KHDRBS3: variants seen among roughly 807,000 people sequenced by gnomAD.
KHDRBS3 encodes KH RNA binding domain containing, signal transduction associated 3, also known as KH domain-containing, RNA-binding, signal transduction-associated protein 3.
Under a neutral mutation model 45.6 loss-of-function variants are expected in KHDRBS3, and 23 were observed. That is an observed-to-expected ratio of 0.50 (90% confidence interval 0.36 to 0.72). The LOEUF (loss-of-function observed/expected upper bound fraction) is 0.72. Among genes scored for constraint, KHDRBS3 ranks in the 30% least tolerant of loss-of-function variants. The pLI, the probability that KHDRBS3 is intolerant of heterozygous loss-of-function variation, is 0.00. For synonymous variants in KHDRBS3, 162 were observed against 156.5 expected, an observed-to-expected ratio of 1.04 and a Z score of -0.26; for missense variants, 352 against 424.8, an observed-to-expected ratio of 0.83 and a Z score of 1.51.
chr8:135,503,208 T>C (rs1338032031), intron 1 of KHDRBS3, among the ~76,000 whole-genome samples: 2 of 152,228 alleles, frequency 1.3e-5, no homozygotes, highest in Non-Finnish European at 2.9e-5. Flanking sequence ...TATAATATAA[T>C]AAAACACTTT....
At position 135,536,262 on chromosome 8, in the gene KHDRBS3, T is replaced by A. The variant is rs868067803; in HGVS notation, c.208-6392T>A. ...TTTTTTTTTTTTTTTTTTTTTTTTT[T>A]ATTATTGTTTAAAAGGTGGATGTGA... On this transcript the variant is annotated intron_variant, in intron 2 of 8. Coordinates refer to ENST00000355849, the MANE Select transcript of KHDRBS3 (RefSeq NM_006558.3). 1.5e-3 allele frequency among the ~76,000 whole-genome samples: 153 copies of A among 98,784 alleles called. 1 individual carries two copies. The highest frequency in any genetic ancestry group is 2.1e-3 in the Admixed American group (18 of 8,622). 64.8% of individuals were successfully genotyped at this position (98,784 alleles called of 152,430 possible). A position where few individuals can be genotyped will look rare whatever the true frequency, so the allele number is the denominator to read the frequency against.
intron 7 of KHDRBS3, among the ~76,000 whole-genome samples, chr8:135,607,364 A>G (rs1363470847): frequency 6.6e-6 from 1 of 152,212 alleles, no homozygotes; most frequent in African/African-American, 2.4e-5. Context: ...TACATTGGAA[A>G]TGTGTAAGTA....
chr8:135,508,510 T>C (rs949503631), intron 1 of KHDRBS3, among the ~76,000 whole-genome samples: 6 of 152,204 alleles, frequency 3.9e-5, no homozygotes, highest in African/African-American at 1.2e-4. Flanking sequence ...CTCTGGAGCC[T>C]GATAATTGTT....
At position 135,545,483 on chromosome 8, in the gene KHDRBS3, C is replaced by T. The variant is rs186817673; in HGVS notation, c.324+2713C>T. Among the ~76,000 whole-genome samples, 149 of 152,292 alleles carry T rather than the reference C, an allele frequency of 9.8e-4. 2 individuals are homozygous for T. Among genetic ancestry groups the T allele is most frequent in the African/African-American group, 3.4e-3 (142 of 41,572 alleles). Reference sequence around the variant, plus strand: ...TTTATTCTTAGGTTTTCACTGTTATCCAGACACTGTCCTGAGTCTCACATA... The same window carrying T: ...TTTATTCTTAGGTTTTCACTGTTATTCAGACACTGTCCTGAGTCTCACATA... On this transcript the variant is annotated intron_variant, in intron 3 of 8. Transcript: ENST00000355849.
At chr8:135,599,781 C>G (rs1225059610) in intron 6 of KHDRBS3, among the ~76,000 whole-genome samples, 6 of 152,174 alleles carry the variant, frequency 3.9e-5, no homozygotes, top group Non-Finnish European at 5.9e-5. Flanking sequence ...GATAATTCAG[C>G]CTGGAGTCTT....
chr8:135,644,977 A>T, intron 7 of KHDRBS3, 82 bp from the exon 8 acceptor site: 1 of 1,437,560 alleles, frequency 7.0e-7, no homozygotes. Context: ...AGTTGTCTTT[A>T]AGTTTTACAA....
intron 2 of KHDRBS3, among the ~76,000 whole-genome samples, chr8:135,531,851 GC>G (rs1170572392): frequency 6.6e-6 from 1 of 152,114 alleles, no homozygotes; most frequent in Non-Finnish European, 1.5e-5. Flanking sequence ...ATTCTGGAAT[GC>G]CTTCAGTGCT....
intron 1 of KHDRBS3, among the ~76,000 whole-genome samples, chr8:135,501,111 A>G (rs1246092539): frequency 6.6e-6 from 1 of 152,190 alleles, no homozygotes; most frequent in East Asian, 1.9e-4. Context: ...GCTGTTTGGT[A>G]GGCTCTCAAT....
At chr8:135,645,404 C>T (rs1586856403) in intron 8 of KHDRBS3, among the ~76,000 whole-genome samples, 1 of 152,324 alleles carries the variant, frequency 6.6e-6, no homozygotes, top group South Asian at 2.1e-4. Flanking sequence ...TTTCAAACTT[C>T]AGACACTTGA....
At chr8:135,484,894 A>T (rs1822768879) in intron 1 of KHDRBS3, among the ~76,000 whole-genome samples, 1 of 152,190 alleles carries the variant, frequency 6.6e-6, no homozygotes, top group Non-Finnish European at 1.5e-5. Flanking sequence ...AGTAACATTT[A>T]TTAAATGCTA....
chr8:135,465,301 A>G (rs1821639925), intron 1 of KHDRBS3, among the ~76,000 whole-genome samples: 1 of 152,226 alleles, frequency 6.6e-6, no homozygotes, highest in Admixed American at 6.5e-5. Context: ...TACAGTGTCT[A>G]ACACATAGTA....
intron 5 of KHDRBS3, among the ~76,000 whole-genome samples, chr8:135,572,746 A>T (rs555362118): frequency 6.6e-6 from 1 of 152,378 alleles, no homozygotes; most frequent in African/African-American, 2.4e-5. Context: ...AGAGTTGCTC[A>T]GAGTGAGAGC....
intron 8 of KHDRBS3, among the ~76,000 whole-genome samples, chr8:135,645,964 G>A (rs1158025607): frequency 1.4e-5 from 2 of 146,494 alleles, no homozygotes; most frequent in African/African-American, 2.5e-5. Context: ...TGTATCACCT[G>A]CCTGAAGCTG....
intron 7 of KHDRBS3, among the ~76,000 whole-genome samples, chr8:135,630,482 A>AATGTATGTATGT (rs11269726): frequency 0.28 from 41,976 of 150,888 alleles, 6,114 homozygotes; most frequent in Middle Eastern, 0.31. Context: ...TATAAAGTTT[A>AATGTATGTATGT]ATGTATGTAT....
intron 6 of KHDRBS3, among the ~76,000 whole-genome samples, chr8:135,590,746 A>T (rs191756538): frequency 3.3e-4 from 51 of 152,376 alleles, no homozygotes; most frequent in Admixed American, 2.9e-3. Context: ...TAAAAAATAC[A>T]GACTTGCCAT....
At chr8:135,620,966 A>G (rs1329337921) in intron 7 of KHDRBS3, among the ~76,000 whole-genome samples, 7 of 152,170 alleles carry the variant, frequency 4.6e-5, no homozygotes, top group Non-Finnish European at 8.8e-5. Flanking sequence ...AAGGTGATCT[A>G]TGTGTGTTCT....
At chr8:135,538,320 G>C (rs1266789519) in intron 2 of KHDRBS3, among the ~76,000 whole-genome samples, 1 of 152,136 alleles carries the variant, frequency 6.6e-6, no homozygotes, top group Non-Finnish European at 1.5e-5. Flanking sequence ...GTCTTTTTCT[G>C]ATTGACCAGT....
At chr8:135,471,073 A>T (rs1167156273) in intron 1 of KHDRBS3, among the ~76,000 whole-genome samples, 1 of 152,156 alleles carries the variant, frequency 6.6e-6, no homozygotes, top group Non-Finnish European at 1.5e-5. Context: ...TCCTTCATGG[A>T]GCCCAGCATG....
intron 5 of KHDRBS3, among the ~76,000 whole-genome samples, chr8:135,576,157 T>C (rs958133927): frequency 6.6e-6 from 1 of 152,248 alleles, no homozygotes; most frequent in Non-Finnish European, 1.5e-5. Context: ...ATATCAAGTA[T>C]ACGTACTGTC....
Sources: gnomAD v4.1 joint callset for allele counts (sites outside exome capture counted in the v4.1 genomes callset) on GRCh38, gnomAD v4.1.1 for gene constraint, MANE v1.5 for transcripts, NCBI Gene and HGNC (gene_info 2026-07-23, HGNC 2026-07-21) for gene names.